Variants in FHIP2B observed in about 807,000 individuals in gnomAD.
The protein encoded by FHIP2B is FHF complex subunit HOOK-interacting protein 2B.
FHIP2B carries 72 observed loss-of-function variants against 84.0 expected under a neutral mutation model. The ratio of observed to expected loss-of-function variants is 0.86; its 90% CI spans 0.71 to 1.04. The LOEUF (loss-of-function observed/expected upper bound fraction) is 1.04, where lower values mean the gene tolerates loss of function less well. FHIP2B is among the 50% of genes least tolerant of loss of function. FHIP2B has a pLI of 0.00. For synonymous variants in FHIP2B, 497 were observed against 418.7 expected (o/e 1.19, Z -2.28); for missense variants, 972 against 968.9 (o/e 1.00, Z -0.04).
rs901546920 is a variant in FHIP2B, at chr8:22,096,344, C to T, written c.132C>T (p.Ser44=). The T allele has an allele frequency of 1.9e-6, 3 of 1,552,322 alleles. No homozygotes were observed. Among genetic ancestry groups the T allele is most frequent in the East Asian group, 4.8e-5 (2 of 41,244 alleles). Residue 44 remains serine, a synonymous_variant, in exon 3 of 17, where the codon AGC becomes AGT. Transcript: ENST00000289921. ...THYYIESTDE[S]TPAKKTDIPW... ...TTTCCCAAACATCATTAGATGAAAG[C>T]ACCCCCGCCAAGAAGACAGACATTC...
At chr8:22,099,437 A>G in intron 9 of FHIP2B, 77 bp downstream of exon 9, 1 of 1,438,416 alleles carries the variant, frequency 7.0e-7, no homozygotes. Flanking sequence ...TCCTGTCCCT[A>G]AGGCCAGACA....
At chr8:22,096,613 G>T in intron 3 of FHIP2B, 104 bp downstream of exon 3, 1 of 1,393,716 alleles carries the variant, frequency 7.2e-7, no homozygotes, top group Non-Finnish European at 9.3e-7. Context: ...GGCCGAGGTG[G>T]GAGACCCTCT....
rs1429942080 is a variant in FHIP2B, at chr8:22,104,183, G to A, written c.*1252G>A. ...ACCTCGCCGCTCTGAAGAGCACCGT[G>A]CACATGTGGGTGCACAAACGTGGGT... is the stretch of plus-strand genomic sequence containing the variant. On this transcript the variant is annotated 3_prime_UTR_variant, in exon 17 of 17. Coordinates refer to ENST00000289921, the MANE Select transcript of FHIP2B (RefSeq NM_022749.7). 1 of 152,404 alleles carries A rather than the reference G, an allele frequency of 6.6e-6. No homozygotes were observed. Among genetic ancestry groups the A allele is most frequent in the East Asian group, 1.9e-4 (1 of 5,194 alleles). 9.4% of individuals were successfully genotyped at this position (152,404 alleles called of 1,614,324 possible). A position where few individuals can be genotyped will look rare whatever the true frequency, so the allele number is the denominator to read the frequency against.
chr8:22,089,404 C>T (rs1357509999), intron 1 of FHIP2B, 106 bp downstream of exon 1: 5 of 638,128 alleles, frequency 7.8e-6, no homozygotes, highest in Admixed American at 6.4e-5. Flanking sequence ...CGGGCGCGGG[C>T]CCCCTCGGGC....
intron 1 of FHIP2B, among the ~76,000 whole-genome samples, chr8:22,093,453 G>A (rs891003990): frequency 6.6e-6 from 1 of 152,162 alleles, no homozygotes; most frequent in Admixed American, 6.5e-5. Flanking sequence ...GGCTTGCCCA[G>A]AGCAGAACCA....
Position 22,098,241 on chromosome 8 carries a change from CGAG to C in FHIP2B, c.703_705del (p.Glu235del). Reference sequence around the variant, plus strand: ...TGAACAGCCACATGCCTGCTGAGACCGAGGAGCTGGACGGTGGGACCACAGAGA... The same window carrying C: ...TGAACAGCCACATGCCTGCTGAGACCGAGCTGGACGGTGGGACCACAGAGA... On this transcript the variant is annotated inframe_deletion, in exon 6 of 17. Transcript: ENST00000289921. 6.3e-7 allele frequency: 1 copy of C among 1,592,356 alleles called. No homozygotes were observed. The highest frequency in any genetic ancestry group is 8.5e-7 in the Non-Finnish European group (1 of 1,170,324).
At chr8:22,094,010 C>T (rs1253649559) in intron 1 of FHIP2B, among the ~76,000 whole-genome samples, 1 of 152,142 alleles carries the variant, frequency 6.6e-6, no homozygotes, top group African/African-American at 2.4e-5. Flanking sequence ...AGCCACTGCA[C>T]CTGACCTTTG....
intron 1 of FHIP2B, among the ~76,000 whole-genome samples, chr8:22,093,483 A>G (rs1435195204): frequency 1.3e-5 from 2 of 152,162 alleles, no homozygotes; most frequent in African/African-American, 4.8e-5. Context: ...AGGGCTTGAT[A>G]GAAGGAGCCG....
chr8:22,102,305 T>C lies in FHIP2B; in HGVS notation c.1982T>C (p.Val661Ala). 1.2e-6 allele frequency: 2 copies of C among 1,611,976 alleles called. No homozygotes were observed. Among genetic ancestry groups the C allele is most frequent in the South Asian group, 2.2e-5 (2 of 91,044 alleles). ...LAPGCRSLFS[V>A]LVRVIGDLMQ... ...CCCGGCTGCAGGAGCCTATTCTCCG[T>C]GTTGGTGAGGGTGAGGACGCCTCGG... The change falls in exon 15 of 17, where the codon GTG becomes GCG. Residue 661 changes from valine to alanine, a missense_variant. Coordinates refer to ENST00000289921, the MANE Select transcript of FHIP2B (RefSeq NM_022749.7).
intron 15 of FHIP2B, 99 bp downstream of exon 15, chr8:22,102,414 C>T (rs1826175689): frequency 6.6e-7 from 1 of 1,512,288 alleles, no homozygotes; most frequent in African/African-American, 1.4e-5. Flanking sequence ...GGGGTGGGCA[C>T]CCTTGCCAGT....
chr8:22,089,213 C>A lies in FHIP2B; in HGVS notation c.-41C>A. 9.5e-7 allele frequency: 1 copy of A among 1,053,900 alleles called. No homozygotes were observed. Among genetic ancestry groups the A allele is most frequent in the Non-Finnish European group, 1.1e-6 (1 of 874,124 alleles). 65.3% of individuals were successfully genotyped at this position (1,053,900 alleles called of 1,614,324 possible). A position where few individuals can be genotyped will look rare whatever the true frequency, so the allele number is the denominator to read the frequency against. Reference sequence around the variant, plus strand: ...CTGCCTCCTCCGCCTAGAGCGCTGCCGCCGCCGCTTTCGCCCGGGAGCCGG... The same window carrying A: ...CTGCCTCCTCCGCCTAGAGCGCTGCAGCCGCCGCTTTCGCCCGGGAGCCGG... On this transcript the variant is annotated 5_prime_UTR_variant, in exon 1 of 17. Transcript: ENST00000289921.
At chr8:22,093,697 A>G (rs1436962783) in intron 1 of FHIP2B, among the ~76,000 whole-genome samples, 1 of 123,122 alleles carries the variant, frequency 8.1e-6, no homozygotes, top group Non-Finnish European at 1.7e-5. Context: ...AGAGGAATGG[A>G]AAAGCTTTGT....
In FHIP2B at chr8:22,099,270, T is replaced by C. The variant is rs937957165; in HGVS notation, c.1075-14T>C. On this transcript the variant is annotated splice_polypyrimidine_tract_variant and intron_variant, in intron 8 of 16. Transcript: ENST00000289921. Reference sequence around the variant, plus strand: ...TAATGAGGGCAAAACACATTGGCGCTCTCTGGCACCCAGGTGGTTGCGGAC... The same window carrying C: ...TAATGAGGGCAAAACACATTGGCGCCCTCTGGCACCCAGGTGGTTGCGGAC... 15 of 1,613,104 alleles carry C rather than the reference T, an allele frequency of 9.3e-6. No individual in the cohort carries two copies. The African/African-American group carries it at 1.2e-4, about 13-fold the overall frequency.
At chr8:22,099,956 ACT>A (rs1006220992) in intron 10 of FHIP2B, 63 bp downstream of exon 10, 16 of 1,466,072 alleles carry the variant, frequency 1.1e-5, no homozygotes, top group African/African-American at 8.8e-5. Flanking sequence ...TTTCCTGAAC[ACT>A]CTTCCCATTT....
At chr8:22,102,054 ACAC>A in intron 14 of FHIP2B, 118 bp from the exon 15 acceptor site, 1 of 1,567,064 alleles carries the variant, frequency 6.4e-7, no homozygotes, top group Non-Finnish European at 8.6e-7. Flanking sequence ...CATGACACAC[ACAC>A]ATCACGTGAG....
intron 1 of FHIP2B, among the ~76,000 whole-genome samples, chr8:22,091,628 A>G (rs1825497820): frequency 6.6e-6 from 1 of 152,128 alleles, no homozygotes; most frequent in Admixed American, 6.5e-5. Context: ...GAGTTAGGTA[A>G]AGATCACACA....
intron 1 of FHIP2B, chr8:22,089,862 C>A: frequency 7.9e-7 from 1 of 1,271,608 alleles, no homozygotes; most frequent in Non-Finnish European, 1.0e-6. Context: ...AGGGTAAAGA[C>A]CCGGGGCAGG....
chr8:22,101,271 C>A (rs1404260858), intron 12 of FHIP2B, 169 bp from the exon 13 acceptor site: 5 of 655,590 alleles, frequency 7.6e-6, no homozygotes, highest in Non-Finnish European at 1.3e-5. Context: ...GATCCGCCCA[C>A]CTCAGCCTCC....
rs373245990 is a variant in FHIP2B at position 22,098,935 on chromosome 8, C to G, written c.966-13C>G. 190 of 1,588,446 alleles carry G rather than the reference C, an allele frequency of 1.2e-4. 1 individual carries two copies. Among genetic ancestry groups the G allele is most frequent in the Middle Eastern group, 8.3e-4 (5 of 6,026 alleles). ...TCTCCACTCTCTGAGACTTCACTCC[C>G]CTCTTCCTTCAGGTTACCCAGTGCC... On this transcript the variant is annotated splice_polypyrimidine_tract_variant and intron_variant, in intron 7 of 16. Transcript: ENST00000289921.
Sources: allele counts gnomAD v4.1 joint callset (sites outside exome capture counted in the v4.1 genomes callset), GRCh38; gene constraint gnomAD v4.1.1; transcripts MANE v1.5; gene names NCBI Gene and HGNC (gene_info 2026-07-23, HGNC 2026-07-21).